The following FAF1 variants were observed in gnomAD, a reference collection of about 807,000 sequenced individuals.
FAF1 encodes FAS-associated factor 1.
Under a neutral mutation model 92.5 loss-of-function variants are expected in FAF1, and 25 were observed. The observed-to-expected ratio is 0.27, with a 90% CI of 0.20 to 0.38. The LOEUF is 0.38. FAF1 is among the 10% of genes least tolerant of loss of function. The probability of loss-of-function intolerance (pLI) is 1.00; values close to 1 mark genes in which losing one functional copy is unlikely to be tolerated. For synonymous variants in FAF1, 234 were observed against 273.2 expected, an observed-to-expected ratio of 0.86 and a Z score of 1.42; for missense variants, 636 against 793.3, an observed-to-expected ratio of 0.80 and a Z score of 2.38.
At chr1:50,495,084 G>A (rs146759237) in intron 15 of FAF1, among the ~76,000 whole-genome samples, 279 of 152,182 alleles carry the variant, frequency 1.8e-3, no homozygotes, top group African/African-American at 5.0e-3. Context: ...TGGGGTGTCC[G>A]TCCCCTCAAG....
chr1:50,675,193 C>T (rs1340491294), intron 7 of FAF1, among the ~76,000 whole-genome samples: 2 of 152,100 alleles, frequency 1.3e-5, no homozygotes, highest in African/African-American at 4.8e-5. Flanking sequence ...CCCAGCCAGA[C>T]CTTGTACATT....
intron 6 of FAF1, among the ~76,000 whole-genome samples, chr1:50,709,528 T>C (rs184212203): frequency 1.1e-4 from 16 of 152,372 alleles, no homozygotes; most frequent in Admixed American, 9.8e-4. Flanking sequence ...GGTTTCATTT[T>C]ACTCACAAAA....
At chr1:50,629,279 C>T (rs915298749) in intron 8 of FAF1, among the ~76,000 whole-genome samples, 6 of 149,852 alleles carry the variant, frequency 4.0e-5, no homozygotes, top group African/African-American at 1.5e-4. Context: ...AAGTGATTAT[C>T]CTGTCTCAGC....
chr1:50,735,244 G>A (rs1659091908), intron 6 of FAF1, among the ~76,000 whole-genome samples: 1 of 152,116 alleles, frequency 6.6e-6, no homozygotes, highest in Admixed American at 6.5e-5. Flanking sequence ...TAATTTTACT[G>A]TGATTTATAA....
chr1:50,662,643 A>G (rs2124315683), intron 7 of FAF1, among the ~76,000 whole-genome samples: 1 of 150,834 alleles, frequency 6.6e-6, no homozygotes, highest in South Asian at 2.1e-4. Flanking sequence ...TATTTAAAGT[A>G]ACAACTAATA....
rs370646020 is a variant in FAF1 at position 50,495,755 on chromosome 1, C to A, written c.1495-3954G>T. Among the ~76,000 whole-genome samples the A allele has an allele frequency of 1.7e-4, 26 of 152,276 alleles. No individual in the cohort carries two copies. The South Asian group carries it at 4.4e-3, about 25-fold the overall frequency. The stretch of plus-strand genomic sequence containing the variant: ...GTGTACAAGGGTTCCCTTTTCTCCA[C>A]ATCCTCTCCAGCATTTGTTATTCCC... On this transcript the variant is annotated intron_variant, in intron 15 of 18. Transcript: ENST00000396153.
chr1:50,621,940 C>T (rs191765220), intron 8 of FAF1, among the ~76,000 whole-genome samples: 3 of 151,974 alleles, frequency 2.0e-5, no homozygotes, highest in East Asian at 1.9e-4. Flanking sequence ...CCAAGGCAGG[C>T]GGATGGCCTG....
chr1:50,665,747 T>C (rs188550727), intron 7 of FAF1, among the ~76,000 whole-genome samples: 1 of 152,284 alleles, frequency 6.6e-6, no homozygotes, highest in Admixed American at 6.5e-5. Context: ...ACCCCTAATA[T>C]GGAAGAATAT....
intron 2 of FAF1, among the ~76,000 whole-genome samples, chr1:50,848,805 C>T (rs1202494934): frequency 1.3e-5 from 2 of 152,116 alleles, no homozygotes; most frequent in African/African-American, 2.4e-5. Context: ...GTGTCAAGGT[C>T]ATGGAACAAG....
rs2405008 is a variant in FAF1 at position 50,957,895 on chromosome 1, G to A, written c.45+1872C>T. Among the ~76,000 whole-genome samples the A allele has an allele frequency of 7.5e-3, 1,146 of 152,122 alleles. 23 individuals carry two copies. The highest frequency in any genetic ancestry group is 0.026 in the African/African-American group (1,090 of 41,480). On this transcript the variant is annotated intron_variant, in intron 1 of 18. Transcript: ENST00000396153. ...AAATCAGAAGACAATTTTGTAACAC[G>A]GTAAAACTACACCTTGAAATATAGA...
chr1:50,518,738 C>T (rs962924921), intron 15 of FAF1, among the ~76,000 whole-genome samples: 3 of 152,166 alleles, frequency 2.0e-5, no homozygotes, highest in Non-Finnish European at 4.4e-5. Flanking sequence ...CTGTGCCCAG[C>T]CACAAGTTTT....
intron 4 of FAF1, among the ~76,000 whole-genome samples, chr1:50,768,576 T>C (rs1383019241): frequency 6.6e-6 from 1 of 151,174 alleles, no homozygotes; most frequent in African/African-American, 2.4e-5. Context: ...ATAAAAACAA[T>C]AGCAATCACA....
At chr1:50,778,049 A>C (rs1411664068) in intron 4 of FAF1, among the ~76,000 whole-genome samples, 2 of 152,228 alleles carry the variant, frequency 1.3e-5, no homozygotes, top group Admixed American at 1.3e-4. Context: ...CCAAATATCT[A>C]TCACCAGTAG....
intron 1 of FAF1, among the ~76,000 whole-genome samples, chr1:50,871,948 C>G (rs1644531081): frequency 6.6e-6 from 1 of 151,496 alleles, no homozygotes; most frequent in African/African-American, 2.4e-5. Context: ...GCCTGTAGTC[C>G]CAGCTACTCG....
intron 8 of FAF1, among the ~76,000 whole-genome samples, chr1:50,653,721 C>G (rs1382463454): frequency 6.6e-6 from 1 of 152,070 alleles, no homozygotes; most frequent in Non-Finnish European, 1.5e-5. Context: ...CAAAAATTAC[C>G]CGGGTGTGGC....
chr1:50,437,424 C>A lies in FAF1; in HGVS notation c.*4016G>T, dbSNP rs1413701721. On this transcript the variant is annotated 3_prime_UTR_variant, in exon 19 of 19. Transcript: ENST00000396153. ...AAAGAGATGAGGTCTTACTCTGATG[C>A]CTAGGCCAGAGTAGCAGTCGCACTA... 2 of 150,978 alleles carry A rather than the reference C, an allele frequency of 1.3e-5. No individual in the cohort carries two copies. Among genetic ancestry groups the A allele is most frequent in the East Asian group, 3.9e-4 (2 of 5,118 alleles). The allele number at this position is 150,978 out of a possible 1,614,324, so 9.4% of individuals were successfully genotyped here. A position where few individuals can be genotyped will look rare whatever the true frequency, so the allele number is the denominator to read the frequency against.
chr1:50,473,225 C>T (rs772500452), intron 18 of FAF1, among the ~76,000 whole-genome samples: 6 of 152,284 alleles, frequency 3.9e-5, no homozygotes, highest in Admixed American at 6.5e-5. Flanking sequence ...GAGTTTTACC[C>T]TGTGGAAAGA....
At chr1:50,774,000 CATAA>C (rs1464438556) in intron 4 of FAF1, among the ~76,000 whole-genome samples, 1 of 152,128 alleles carries the variant, frequency 6.6e-6, no homozygotes, top group Non-Finnish European at 1.5e-5. Flanking sequence ...ATTTCTAACG[CATAA>C]ATAAACTATG....
intron 17 of FAF1, among the ~76,000 whole-genome samples, chr1:50,488,697 G>A (rs925845006): frequency 2.0e-5 from 3 of 152,100 alleles, no homozygotes; most frequent in Non-Finnish European, 4.4e-5. Context: ...ATAAAGTCCT[G>A]GATGAGAATC....
Sources: gnomAD v4.1 joint callset for allele counts (sites outside exome capture counted in the v4.1 genomes callset) on GRCh38, gnomAD v4.1.1 for gene constraint, MANE v1.5 for transcripts, NCBI Gene and HGNC (gene_info 2026-07-23, HGNC 2026-07-21) for gene names.